The following FAM169A variants were observed in gnomAD, a reference collection of about 807,000 sequenced individuals.
The protein encoded by FAM169A is soluble lamin-associated protein of 75 kDa.
A neutral mutation model predicts 75.7 loss-of-function variants in FAM169A; 24 were observed. The ratio of observed to expected loss-of-function variants is 0.32; its 90% confidence interval spans 0.23 to 0.45. FAM169A has a LOEUF of 0.45. Among genes scored for constraint, FAM169A ranks in the 20% least tolerant of loss-of-function variants. The pLI, the probability that FAM169A is intolerant of heterozygous loss-of-function variation, is 1.00. For missense variants in FAM169A, 673 were observed against 784.0 expected (o/e 0.86, Z 1.69); for synonymous variants, 271 against 271.0 (o/e 1.00, Z 0.00).
intron 1 of FAM169A, among the ~76,000 whole-genome samples, chr5:74,843,261 A>C: frequency 6.6e-6 from 1 of 152,192 alleles, no homozygotes. Flanking sequence ...AGAAAGCTTC[A>C]GCATCATAAA....
intron 11 of FAM169A, among the ~76,000 whole-genome samples, chr5:74,790,356 T>C (rs549418384): frequency 2.0e-5 from 3 of 152,234 alleles, no homozygotes; most frequent in South Asian, 4.1e-4. Context: ...GTGCACCTGG[T>C]TGTGCACGTT....
intron 6 of FAM169A, among the ~76,000 whole-genome samples, chr5:74,809,321 G>A (rs1747046178): frequency 6.6e-6 from 1 of 152,150 alleles, no homozygotes; most frequent in South Asian, 2.1e-4. Context: ...TCGGCCAGGT[G>A]TGGTGGCTCA....
rs756399674 is a variant in FAM169A, at chr5:74,781,589, C to G, written c.1884G>C (p.Ser628=). Residue 628 remains serine (S), a synonymous_variant, in exon 13 of 13, where the codon TCG becomes TCC. Coordinates refer to ENST00000687041, the MANE Select transcript of FAM169A (RefSeq NM_001376049.1). ...SSEQLDQFTQ[S]AEKAVDSSSE... is the part of the protein sequence containing the mutation. The stretch of plus-strand genomic sequence containing the variant: ...AGCTGCTATCCACAGCTTTTTCTGC[C>G]GATTGTGTAAACTGATCCAGTTGCT... 10 of 1,614,146 alleles carry G rather than the reference C, an allele frequency of 6.2e-6. No individual in the cohort carries two copies. The East Asian group carries it at 2.2e-4, about 36-fold the overall frequency.
chr5:74,790,455 A>G (rs1379488485), intron 11 of FAM169A, among the ~76,000 whole-genome samples: 1 of 152,242 alleles, frequency 6.6e-6, no homozygotes, highest in African/African-American at 2.4e-5. Context: ...ACTTGAAAGA[A>G]GCATGATTGG....
intron 10 of FAM169A, chr5:74,799,518 A>C: frequency 6.3e-7 from 1 of 1,575,652 alleles, no homozygotes; most frequent in Non-Finnish European, 8.7e-7. Flanking sequence ...ACATTAAAGA[A>C]GTGGATGAAA....
intron 1 of FAM169A, among the ~76,000 whole-genome samples, chr5:74,846,942 A>T (rs1749187291): frequency 6.6e-6 from 1 of 152,164 alleles, no homozygotes; most frequent in South Asian, 2.1e-4. Flanking sequence ...AACACAGGAC[A>T]GGTGTCCCTA....
chr5:74,813,925 C>T lies in FAM169A; in HGVS notation c.585G>A (p.Gly195=), dbSNP rs1231221738. 8 of 1,608,734 alleles carry T rather than the reference C, an allele frequency of 5.0e-6. No individual in the cohort carries two copies. In the Admixed American group the frequency reaches 1.4e-4, roughly 28 times the overall value. Reference sequence around the variant, plus strand: ...CAACAAAGTCCTCCAGCATGTGAAGCCCAAAATCTTTACCTCTGTATTTCT... The same window carrying T: ...CAACAAAGTCCTCCAGCATGTGAAGTCCAAAATCTTTACCTCTGTATTTCT... ...LRKKYRGKDF[G]LHMLEDFVDS... Residue 195 remains glycine, a synonymous_variant, in exon 6 of 13, where the codon GGG becomes GGA. Coordinates refer to ENST00000687041, the MANE Select transcript of FAM169A (RefSeq NM_001376049.1).
intron 11 of FAM169A, among the ~76,000 whole-genome samples, chr5:74,789,898 G>C (rs184129033): frequency 6.6e-6 from 1 of 152,200 alleles, no homozygotes. Context: ...CCTGTTACTG[G>C]GCTTTGGTAG....
rs1749009732 is a variant in FAM169A at position 74,843,856 on chromosome 5, T to C, written c.-3-2177A>G. Among the ~76,000 whole-genome samples, 3 of 152,312 alleles carry C rather than the reference T, an allele frequency of 2.0e-5. No individual in the cohort carries two copies. The South Asian group carries it at 6.2e-4, about 32-fold the overall frequency. ...GCATGAGCTTTCTGGTAGACTTACGTGGTCATGGTTGTTAGGTCTATATAC... is the reference window on the plus strand; with the variant it reads ...GCATGAGCTTTCTGGTAGACTTACGCGGTCATGGTTGTTAGGTCTATATAC... On this transcript the variant is annotated intron_variant, in intron 1 of 12. Transcript: ENST00000687041.
intron 1 of FAM169A, among the ~76,000 whole-genome samples, chr5:74,864,616 A>C (rs1478899317): frequency 6.6e-6 from 1 of 152,356 alleles, no homozygotes; most frequent in East Asian, 1.9e-4. Context: ...TTTAGAACCT[A>C]AAATCCACAG....
chr5:74,782,336 G>A (rs956999309), intron 12 of FAM169A, among the ~76,000 whole-genome samples: 1 of 151,978 alleles, frequency 6.6e-6, no homozygotes, highest in Non-Finnish European at 1.5e-5. Context: ...TTAGTTTCCT[G>A]GTGTTACTGG....
chr5:74,792,857 TA>T (rs1470563986), intron 11 of FAM169A, among the ~76,000 whole-genome samples: 1 of 152,156 alleles, frequency 6.6e-6, no homozygotes, highest in African/African-American at 2.4e-5. Flanking sequence ...CTTAAAGTAC[TA>T]AAAGTAGAAC....
chr5:74,824,026 C>A (rs533756937), intron 5 of FAM169A, among the ~76,000 whole-genome samples: 1 of 152,196 alleles, frequency 6.6e-6, no homozygotes, highest in African/African-American at 2.4e-5. Context: ...AGTAAAAGGT[C>A]TGGAAGCCAC....
At chr5:74,790,330 G>T (rs774345822) in intron 11 of FAM169A, among the ~76,000 whole-genome samples, 28 of 152,258 alleles carry the variant, frequency 1.8e-4, no homozygotes, top group Non-Finnish European at 3.4e-4. Flanking sequence ...CTTCCCAGTG[G>T]GCAGAACTTC....
rs772720443 is a variant in FAM169A at position 74,804,578 on chromosome 5, G to C, written c.827C>G (p.Pro276Arg). Residue 276 changes from proline to arginine, a missense_variant, in exon 8 of 13, where the codon CCT (proline) becomes CGT (arginine). Physicochemically the swap from Pro to Arg is moderately radical, Grantham distance 103 (BLOSUM62 -2). Transcript: ENST00000687041. ...TGCAGGACCATATTCTCCAGACATA[G>C]GTCTTTTAGGTTCATTTTGAGAAAG... ...LALSQNEPKR[P>R]MSGEYGPASV... 1.2e-6 allele frequency: 2 copies of C among 1,608,140 alleles called. No individual in the cohort carries two copies. The highest frequency in any genetic ancestry group is 4.5e-5 in the East Asian group (2 of 44,802).
intron 5 of FAM169A, among the ~76,000 whole-genome samples, chr5:74,821,084 T>C (rs1262366453): frequency 1.3e-5 from 2 of 152,196 alleles, no homozygotes; most frequent in African/African-American, 4.8e-5. Flanking sequence ...TTCTATTCTT[T>C]TAATTTACTT....
At chr5:74,851,907 T>C (rs1475577630) in intron 1 of FAM169A, among the ~76,000 whole-genome samples, 1 of 152,194 alleles carries the variant, frequency 6.6e-6, no homozygotes, top group Non-Finnish European at 1.5e-5. Flanking sequence ...GGATTGGACA[T>C]AGTAAACCTC....
intron 5 of FAM169A, among the ~76,000 whole-genome samples, chr5:74,817,436 C>T (rs946152532): frequency 4.0e-5 from 6 of 151,652 alleles, no homozygotes; most frequent in Admixed American, 2.6e-4. Flanking sequence ...ATTAAGAAAA[C>T]CATTCATAAT....
At chr5:74,859,804 G>C (rs1353331527) in intron 1 of FAM169A, among the ~76,000 whole-genome samples, 1 of 152,070 alleles carries the variant, frequency 6.6e-6, no homozygotes, top group East Asian at 1.9e-4. Context: ...GACTGCTTGA[G>C]GCCAGGAGAT....
Sources: gnomAD v4.1 joint callset for allele counts (sites outside exome capture counted in the v4.1 genomes callset) on GRCh38, gnomAD v4.1.1 for gene constraint, MANE v1.5 for transcripts, NCBI Gene and HGNC (gene_info 2026-07-23, HGNC 2026-07-21) for gene names.